The following ENTPD5 variants were observed in gnomAD, a reference collection of about 807,000 sequenced individuals.
ENTPD5 encodes nucleoside diphosphate phosphatase ENTPD5.
ENTPD5 carries 49 observed loss-of-function variants against 60.2 expected under a neutral mutation model. The ratio of observed to expected loss-of-function variants is 0.81; its 90% CI spans 0.65 to 1.03. The LOEUF is 1.03. ENTPD5 is among the 50% of genes least tolerant of loss of function. The pLI is 0.00. For synonymous variants in ENTPD5, 187 were observed against 185.4 expected (o/e 1.01, Z -0.07); for missense variants, 480 against 507.6 (o/e 0.95, Z 0.52).
chr14:74,000,242 A>C (rs987140344), intron 3 of ENTPD5, among the ~76,000 whole-genome samples: 1 of 151,322 alleles, frequency 6.6e-6, no homozygotes, highest in South Asian at 2.1e-4. Flanking sequence ...AGATTGCTTG[A>C]GCTCAGGAGT....
intron 3 of ENTPD5, among the ~76,000 whole-genome samples, chr14:73,999,498 A>C (rs1423656756): frequency 5.4e-5 from 8 of 147,810 alleles, no homozygotes; most frequent in East Asian, 4.0e-4. Context: ...CCACCCCCCC[A>C]AAAAAAACAA....
intron 8 of ENTPD5, among the ~76,000 whole-genome samples, chr14:73,976,815 A>G (rs2057464274): frequency 6.6e-6 from 1 of 152,164 alleles, no homozygotes. Context: ...CATGTTGGCC[A>G]GGCTGGTCTT....
intron 15 of ENTPD5, among the ~76,000 whole-genome samples, chr14:73,967,684 C>G (rs2057036626): frequency 6.6e-6 from 1 of 151,576 alleles, no homozygotes; most frequent in Non-Finnish European, 1.5e-5. Context: ...CCTGTAATCC[C>G]AGCTACTCAG....
chr14:74,011,481 T>C (rs938895559), intron 2 of ENTPD5, among the ~76,000 whole-genome samples: 11 of 152,126 alleles, frequency 7.2e-5, no homozygotes, highest in African/African-American at 2.7e-4. Context: ...GAGAAGGCAA[T>C]GACCAAGGAG....
chr14:73,999,036 C>T (rs1324177774), intron 3 of ENTPD5, among the ~76,000 whole-genome samples: 1 of 152,076 alleles, frequency 6.6e-6, no homozygotes, highest in African/African-American at 2.4e-5. Flanking sequence ...CAGGACCACT[C>T]AATTGCTTAA....
At chr14:73,959,417 C>G (rs1387819431), downstream of ENTPD5, 1 of 1,614,178 alleles carries the variant, frequency 6.2e-7, no homozygotes, top group Admixed American at 1.7e-5. Flanking sequence ...TGACACAGCT[C>G]TCAGACACCT....
rs1555362216 is a variant in ENTPD5, at chr14:73,978,910, C to CA, written c.442-1537dup. Among the ~76,000 whole-genome samples the CA allele has an allele frequency of 3.4e-3, 495 of 143,956 alleles. 3 individuals are homozygous for CA. The highest frequency in any genetic ancestry group is 0.011 in the African/African-American group (431 of 39,442). 94.4% of individuals were successfully genotyped at this position (143,956 alleles called of 152,430 possible). ...GGGCAACAAGAGCAAAATTCAGTCT[C>CA]AAAAAGAAAAAAGAAAAAGAAAAAG... On this transcript the variant is annotated intron_variant, in intron 6 of 15. Transcript: ENST00000334696.
intron 3 of ENTPD5, chr14:74,003,525 GC>G: frequency 2.1e-6 from 2 of 957,944 alleles, no homozygotes; most frequent in South Asian, 1.4e-5. Flanking sequence ...AACATGGAAT[GC>G]CAGATGCTGG....
intron 5 of ENTPD5, 45 bp downstream of exon 5, chr14:73,986,769 T>C (rs772343757): frequency 4.4e-6 from 6 of 1,363,060 alleles, no homozygotes; most frequent in Admixed American, 1.7e-5. Flanking sequence ...GTGGTCAAGT[T>C]ATCAAGGCAT....
intron 3 of ENTPD5, among the ~76,000 whole-genome samples, chr14:74,000,724 G>T (rs2140779094): frequency 6.6e-6 from 1 of 152,076 alleles, no homozygotes; most frequent in South Asian, 2.1e-4. Flanking sequence ...GCTGCAGGGA[G>T]CCGAGATCAT....
chr14:73,976,342 C>T lies in ENTPD5; in HGVS notation c.624G>A (p.Thr208=), dbSNP rs144401752. 5.5e-5 allele frequency: 89 copies of T among 1,613,938 alleles called. No individual in the cohort carries two copies. The highest frequency in any genetic ancestry group is 2.0e-4 in the East Asian group (9 of 44,898). The change falls in exon 9 of 16, where the codon ACG becomes ACA. Residue 208 remains threonine, a synonymous_variant. Coordinates refer to ENST00000334696, the MANE Select transcript of ENTPD5 (RefSeq NM_001249.5). ...LDLGGASTQI[T]FLPQFEKTLE... ...GACTCACCTCAAACTGGGGCAGGAACGTGATTTGGGTGGAGGCTCCCCCTA... is the reference window on the plus strand; with the variant it reads ...GACTCACCTCAAACTGGGGCAGGAATGTGATTTGGGTGGAGGCTCCCCCTA...
intron 7 of ENTPD5, 114 bp downstream of exon 7, chr14:73,977,185 T>C: frequency 1.6e-6 from 2 of 1,241,256 alleles, no homozygotes; most frequent in Non-Finnish European, 2.3e-6. Context: ...CTCCCTGTCT[T>C]CTATTTCCTG....
Position 73,987,888 on chromosome 14 carries a change from G to A in ENTPD5, c.215C>T (p.Pro72Leu). 2 of 1,613,968 alleles carry A rather than the reference G, an allele frequency of 1.2e-6. No homozygotes were observed. The highest frequency in any genetic ancestry group is 1.7e-6 in the Non-Finnish European group (2 of 1,179,970). ...IHVYTFVQKM[P>L]GQLPILEGEV... Reference sequence around the variant, plus strand: ...CTAAGGGTCCCAGTTGCACTTACCTGGCATTTTCTGCACAAAGGTGTAAAC... The same window carrying A: ...CTAAGGGTCCCAGTTGCACTTACCTAGCATTTTCTGCACAAAGGTGTAAAC... Residue 72 changes from proline (P) to leucine (L), a missense_variant and splice_region_variant, in exon 4 of 16, where the codon CCA becomes CTA. Physicochemically the swap from Pro to Leu is moderately conservative, Grantham distance 98 (BLOSUM62 -3). Transcript: ENST00000334696.
downstream of ENTPD5, chr14:73,955,562 A>G: frequency 6.5e-7 from 1 of 1,537,730 alleles, no homozygotes; most frequent in Middle Eastern, 1.7e-4. Context: ...GTCTTAAGAT[A>G]TCGGAGTCCA....
chr14:73,963,121 T>G, downstream of ENTPD5: 1 of 911,570 alleles, frequency 1.1e-6, no homozygotes, highest in Middle Eastern at 3.1e-4. Flanking sequence ...AATTCTCTTT[T>G]TCTTCTTTGC....
At chr14:73,998,932 G>A (rs1399356538) in intron 3 of ENTPD5, among the ~76,000 whole-genome samples, 3 of 152,132 alleles carry the variant, frequency 2.0e-5, no homozygotes, top group South Asian at 2.1e-4. Context: ...ACTTTACTCT[G>A]CAGGTGATAG....
In ENTPD5 at chr14:73,963,297, T is replaced by C. The variant is rs1326342987; in HGVS notation, c.*3631A>G. ...TGCTGTCTCACTCATTTCCAGTTAA[T>C]CATTTCTAAAGAGAAAATTTACATT... is the stretch of plus-strand genomic sequence containing the variant. On this transcript the variant is annotated 3_prime_UTR_variant, in exon 16 of 16. Coordinates refer to ENST00000334696, the MANE Select transcript of ENTPD5 (RefSeq NM_001249.5). 6.1e-6 allele frequency: 3 copies of C among 488,892 alleles called. No homozygotes were observed. The highest frequency in any genetic ancestry group is 6.3e-5 in the East Asian group (2 of 31,902). 30.3% of individuals were successfully genotyped at this position (488,892 alleles called of 1,614,324 possible). A position where few individuals can be genotyped will look rare whatever the true frequency, so the allele number is the denominator to read the frequency against.
Position 73,977,300 on chromosome 14 carries a change from T to A in ENTPD5, c.516A>T (p.Glu172Asp). ...AACGCATATCAACACCTCTCCCACC[T>A]TCGTCGGATCCATCCATGATGCTAA... ...GSVSIMDGSD[E>D]GILAWVTVNF... Residue 172 changes from glutamate to aspartate, a missense_variant and splice_region_variant, in exon 7 of 16, where the codon GAA becomes GAT. Transcript: ENST00000334696. 4 of 1,610,782 alleles carry A rather than the reference T, an allele frequency of 2.5e-6. No homozygotes were observed. The highest frequency in any genetic ancestry group is 2.5e-6 in the Non-Finnish European group (3 of 1,178,138).
At chr14:73,976,727 C>T (rs752129302) in intron 8 of ENTPD5, among the ~76,000 whole-genome samples, 2 of 152,078 alleles carry the variant, frequency 1.3e-5, no homozygotes, top group Non-Finnish European at 1.5e-5. Context: ...ATTCTCCAGC[C>T]TCCTGAGTAG....
Sources: gnomAD v4.1 joint callset for allele counts (sites outside exome capture counted in the v4.1 genomes callset) on GRCh38, gnomAD v4.1.1 for gene constraint, MANE v1.5 for transcripts, NCBI Gene and HGNC (gene_info 2026-07-23, HGNC 2026-07-21) for gene names.